ZNF804B: variants seen among roughly 807,000 people sequenced by gnomAD.
ZNF804B encodes the protein zinc finger protein 804B, also known as zinc finger 804B.
ZNF804B carries 80 observed loss-of-function variants against 101.4 expected under a neutral mutation model. The ratio of observed to expected loss-of-function variants is 0.79; its 90% CI spans 0.66 to 0.95. ZNF804B has a LOEUF of 0.95. Among genes scored for constraint, ZNF804B ranks in the 40% least tolerant of loss-of-function variants. The pLI is 0.00. For missense variants in ZNF804B, 1,673 were observed against 1,561.9 expected (o/e 1.07, Z -1.20); for synonymous variants, 622 against 558.8 (o/e 1.11, Z -1.59).
At chr7:89,309,651 T>C (rs1471446659) in intron 2 of ZNF804B, among the ~76,000 whole-genome samples, 1 of 151,188 alleles carries the variant, frequency 6.6e-6, no homozygotes, top group Non-Finnish European at 1.5e-5. Flanking sequence ...TCCCAGCTAC[T>C]TGGGAGGCTG....
intron 1 of ZNF804B, among the ~76,000 whole-genome samples, chr7:89,154,018 A>G (rs1790917434): frequency 6.6e-6 from 1 of 151,408 alleles, no homozygotes; most frequent in African/African-American, 2.4e-5. Flanking sequence ...TATGTAAGGA[A>G]CACAAACAAA....
chr7:89,324,156 G>C (rs781225422), intron 2 of ZNF804B, among the ~76,000 whole-genome samples: 4 of 152,080 alleles, frequency 2.6e-5, no homozygotes, highest in Non-Finnish European at 4.4e-5. Context: ...TTTGCAATTA[G>C]TATTTTGTTG....
At chr7:88,763,847 A>G (rs1378305203) in intron 1 of ZNF804B, among the ~76,000 whole-genome samples, 1 of 152,172 alleles carries the variant, frequency 6.6e-6, no homozygotes, top group African/African-American at 2.4e-5. Context: ...ATAGTCTTCT[A>G]CCATCAAATA....
chr7:89,005,693 T>C (rs1272019359), intron 1 of ZNF804B, among the ~76,000 whole-genome samples: 3 of 152,228 alleles, frequency 2.0e-5, no homozygotes, highest in Non-Finnish European at 4.4e-5. Context: ...TCAATAGTTA[T>C]AGCAAATAGC....
At chr7:88,808,071 A>G (rs1002286727) in intron 1 of ZNF804B, among the ~76,000 whole-genome samples, 5 of 152,108 alleles carry the variant, frequency 3.3e-5, no homozygotes, top group Non-Finnish European at 5.9e-5. Context: ...GCTTACATTC[A>G]AATATGTACT....
At chr7:88,850,008 T>C (rs1791429927) in intron 1 of ZNF804B, among the ~76,000 whole-genome samples, 1 of 152,090 alleles carries the variant, frequency 6.6e-6, no homozygotes, top group Non-Finnish European at 1.5e-5. Context: ...AAGACTTTTT[T>C]CCACAAGCCC....
At chr7:89,102,601 A>G (rs1790072072) in intron 1 of ZNF804B, among the ~76,000 whole-genome samples, 1 of 151,856 alleles carries the variant, frequency 6.6e-6, no homozygotes, top group South Asian at 2.1e-4. Context: ...TCAGAGGTAT[A>G]ATTTGTAAAC....
intron 2 of ZNF804B, among the ~76,000 whole-genome samples, chr7:89,280,974 T>G (rs896038070): frequency 6.6e-6 from 1 of 152,226 alleles, no homozygotes; most frequent in African/African-American, 2.4e-5. Context: ...TGTTCTACCA[T>G]CAGTGTTTTG....
At chr7:88,874,856 A>T (rs1049995021) in intron 1 of ZNF804B, among the ~76,000 whole-genome samples, 22 of 149,352 alleles carry the variant, frequency 1.5e-4, no homozygotes, top group Admixed American at 6.0e-4. Context: ...CAGAATATAC[A>T]TTTTTTTCAG....
rs1457475599 is a variant in ZNF804B, at chr7:89,338,197, A to G, written c.*1165A>G. On this transcript the variant is annotated 3_prime_UTR_variant, in exon 4 of 4. Coordinates refer to ENST00000333190, the MANE Select transcript of ZNF804B (RefSeq NM_181646.5). Reference sequence around the variant, plus strand: ...TAAGCATGAGTTTCAGAGAAAATCAAACTTAACAGAAATGGAGGTAATCAT... The same window carrying G: ...TAAGCATGAGTTTCAGAGAAAATCAGACTTAACAGAAATGGAGGTAATCAT... Among the ~76,000 whole-genome samples the G allele has an allele frequency of 2.0e-5, 3 of 152,110 alleles. No individual in the cohort carries two copies. Among genetic ancestry groups the G allele is most frequent in the African/African-American group, 4.8e-5 (2 of 41,448 alleles).
intron 1 of ZNF804B, among the ~76,000 whole-genome samples, chr7:88,970,160 G>C (rs927707488): frequency 6.6e-6 from 1 of 151,306 alleles, no homozygotes; most frequent in African/African-American, 2.4e-5. Flanking sequence ...AATGACAGTA[G>C]ACATTTAAGT....
chr7:89,131,261 A>G (rs956611708), intron 1 of ZNF804B, among the ~76,000 whole-genome samples: 1 of 152,066 alleles, frequency 6.6e-6, no homozygotes. Flanking sequence ...CTTCAACACT[A>G]TGGGAAGTCT....
At chr7:88,940,640 G>A in intron 1 of ZNF804B, among the ~76,000 whole-genome samples, 1 of 151,592 alleles carries the variant, frequency 6.6e-6, no homozygotes, top group East Asian at 1.9e-4. Flanking sequence ...ATGGTGGTGT[G>A]CACTTGTGGT....
At chr7:88,882,021 C>G (rs1239938324) in intron 1 of ZNF804B, among the ~76,000 whole-genome samples, 1 of 152,086 alleles carries the variant, frequency 6.6e-6, no homozygotes, top group Non-Finnish European at 1.5e-5. Flanking sequence ...AAAACCAAAA[C>G]AAAGCTGTAA....
At chr7:88,960,934 G>A (rs74463968) in intron 1 of ZNF804B, among the ~76,000 whole-genome samples, 1 of 151,286 alleles carries the variant, frequency 6.6e-6, no homozygotes, top group Admixed American at 6.6e-5. Context: ...TTTTCCTTCT[G>A]AATCCACCAA....
At chr7:88,907,775 T>C (rs770116624) in intron 1 of ZNF804B, among the ~76,000 whole-genome samples, 3 of 152,004 alleles carry the variant, frequency 2.0e-5, no homozygotes, top group Non-Finnish European at 4.4e-5. Flanking sequence ...AACTTCCAAT[T>C]GTCTTCTACC....
At chr7:88,824,256 A>G (rs973852432) in intron 1 of ZNF804B, among the ~76,000 whole-genome samples, 3 of 152,150 alleles carry the variant, frequency 2.0e-5, no homozygotes, top group Non-Finnish European at 4.4e-5. Flanking sequence ...ATGTTGTGGA[A>G]GGGACCCAGA....
chr7:89,311,119 T>C (rs1584118599), intron 2 of ZNF804B, among the ~76,000 whole-genome samples: 1 of 152,096 alleles, frequency 6.6e-6, no homozygotes, highest in African/African-American at 2.4e-5. Context: ...GCAATAGAGG[T>C]AGAAATGAAC....
At chr7:88,935,304 C>G (rs1398504349) in intron 1 of ZNF804B, among the ~76,000 whole-genome samples, 2 of 149,706 alleles carry the variant, frequency 1.3e-5, no homozygotes, top group Non-Finnish European at 3.0e-5. Context: ...GAAATCACCA[C>G]TAAAGAACTT....
Sources: allele counts gnomAD v4.1 joint callset (sites outside exome capture counted in the v4.1 genomes callset), GRCh38; gene constraint gnomAD v4.1.1; transcripts MANE v1.5; gene names NCBI Gene and HGNC (gene_info 2026-07-23, HGNC 2026-07-21).